Variants in ZNF423 observed in about 807,000 individuals in gnomAD.
The protein encoded by ZNF423 is zinc finger protein 423.
In ZNF423, 12 loss-of-function variants were observed where a neutral mutation model predicts 95.8. The observed-to-expected ratio is 0.13, with a 90% confidence interval of 0.08 to 0.20. The LOEUF is 0.20. ZNF423 is among the 10% of genes least tolerant of loss of function. ZNF423 has a pLI of 1.00. For synonymous variants in ZNF423, 749 were observed against 711.9 expected (o/e 1.05, Z -0.83); for missense variants, 1,316 against 1,737.1 (o/e 0.76, Z 4.31).
chr16:49,569,934 C>G (rs189944404), intron 5 of ZNF423, among the ~76,000 whole-genome samples: 1 of 152,146 alleles, frequency 6.6e-6, no homozygotes, highest in Non-Finnish European at 1.5e-5. Flanking sequence ...GTGGCAGGGG[C>G]GTAAGCAACT....
chr16:49,735,353 C>T (rs1334038864), intron 2 of ZNF423, among the ~76,000 whole-genome samples: 2 of 152,202 alleles, frequency 1.3e-5, no homozygotes, highest in African/African-American at 4.8e-5. Flanking sequence ...GCTCTCTTCC[C>T]TTTGCAGTCA....
At chr16:49,634,586 C>T (rs989087297) in intron 4 of ZNF423, among the ~76,000 whole-genome samples, 46 of 152,196 alleles carry the variant, frequency 3.0e-4, no homozygotes, top group Non-Finnish European at 2.9e-5. Context: ...AGCAAACACC[C>T]CTGTGTCCCA....
chr16:49,730,950 T>G lies in ZNF423; in HGVS notation c.122A>C (p.Glu41Ala). 1 of 1,614,238 alleles carries G rather than the reference T, an allele frequency of 6.2e-7. No homozygotes were observed. The highest frequency in any genetic ancestry group is 8.5e-7 in the Non-Finnish European group (1 of 1,180,048). Reference protein sequence around the residue: ...TAAGGLEGEPECDQKTSRALE... With the variant: ...TAAGGLEGEPACDQKTSRALE... ...CGCACGGCTGGTTTTCTGATCGCACTCTGGCTCTCCTTCTAGGCCTCCTGC... is the reference window on the plus strand; with the variant it reads ...CGCACGGCTGGTTTTCTGATCGCACGCTGGCTCTCCTTCTAGGCCTCCTGC... The change falls in exon 3 of 8, where the codon GAG becomes GCG. Residue 41 changes from glutamate (E) to alanine (A), a missense_variant. Glu to Ala is a moderately radical substitution (Grantham distance 107). Coordinates refer to ENST00000563137, the MANE Select transcript of ZNF423 (RefSeq NM_001379286.1).
chr16:49,743,446 C>G (rs950122386), intron 2 of ZNF423, among the ~76,000 whole-genome samples: 2 of 152,322 alleles, frequency 1.3e-5, no homozygotes, highest in South Asian at 2.1e-4. Flanking sequence ...CTGCTTCCCC[C>G]TTCTCCACCT....
At chr16:49,774,724 C>T (rs1211146973) in intron 2 of ZNF423, among the ~76,000 whole-genome samples, 1 of 152,242 alleles carries the variant, frequency 6.6e-6, no homozygotes, top group African/African-American at 2.4e-5. Context: ...AGCCAAATGA[C>T]AGTCTGGGCA....
chr16:49,700,913 G>T (rs1740125518), intron 3 of ZNF423, among the ~76,000 whole-genome samples: 1 of 152,082 alleles, frequency 6.6e-6, no homozygotes, highest in African/African-American at 2.4e-5. Flanking sequence ...GAAAGGAGGA[G>T]GGAGGAGGGA....
chr16:49,710,068 T>A (rs1034486241), intron 3 of ZNF423, among the ~76,000 whole-genome samples: 3 of 152,204 alleles, frequency 2.0e-5, no homozygotes, highest in African/African-American at 7.2e-5. Context: ...ACATGCCACA[T>A]GTAGAACAGT....
chr16:49,520,556 A>C (rs936435729), intron 7 of ZNF423, among the ~76,000 whole-genome samples: 2 of 152,296 alleles, frequency 1.3e-5, no homozygotes, highest in Admixed American at 1.3e-4. Context: ...GAATCTTCTC[A>C]AGACCTCTCA....
At chr16:49,532,732 C>T (rs1230761540) in intron 5 of ZNF423, among the ~76,000 whole-genome samples, 3 of 152,190 alleles carry the variant, frequency 2.0e-5, no homozygotes, top group African/African-American at 4.8e-5. Context: ...TTGTAACTGA[C>T]CCTTATCTTT....
chr16:49,859,204 C>G (rs928718054), upstream of ZNF423, among the ~76,000 whole-genome samples: 9 of 152,114 alleles, frequency 5.9e-5, no homozygotes, highest in Admixed American at 1.3e-4. Context: ...CTGCTGAAGA[C>G]TGAGGACGGA....
chr16:49,691,892 G>A (rs373095031), intron 3 of ZNF423, among the ~76,000 whole-genome samples: 2 of 152,030 alleles, frequency 1.3e-5, no homozygotes, highest in Non-Finnish European at 2.9e-5. Context: ...GGGACAGGGC[G>A]GCTGTGGCCC....
chr16:49,669,669 G>T (rs1040251127), intron 3 of ZNF423, among the ~76,000 whole-genome samples: 1 of 152,228 alleles, frequency 6.6e-6, no homozygotes, highest in African/African-American at 2.4e-5. Flanking sequence ...TCAGGATTCA[G>T]AAGAGAACCA....
intron 5 of ZNF423, among the ~76,000 whole-genome samples, chr16:49,596,804 A>T (rs1238324915): frequency 6.6e-6 from 1 of 152,018 alleles, no homozygotes; most frequent in East Asian, 1.9e-4. Flanking sequence ...GAGGAGGGGG[A>T]TGTCAGGCAC....
At chr16:49,838,646 C>T (rs528255805) in intron 1 of ZNF423, among the ~76,000 whole-genome samples, 46 of 152,212 alleles carry the variant, frequency 3.0e-4, no homozygotes, top group African/African-American at 1.0e-3. Flanking sequence ...TCGACGCCGC[C>T]GTCCCCAGCG....
chr16:49,856,366 T>G (rs1597068299), upstream of ZNF423, among the ~76,000 whole-genome samples: 1 of 140,296 alleles, frequency 7.1e-6, no homozygotes. Flanking sequence ...GAGTCGAGGG[T>G]ATCTCAAGGG....
chr16:49,557,510 G>C (rs992577875), intron 5 of ZNF423, among the ~76,000 whole-genome samples: 1 of 152,166 alleles, frequency 6.6e-6, no homozygotes, highest in Non-Finnish European at 1.5e-5. Context: ...CTGACCCTCT[G>C]ACCCCAGGGG....
At chr16:49,640,161 A>G (rs1206569129) in intron 3 of ZNF423, among the ~76,000 whole-genome samples, 3 of 152,162 alleles carry the variant, frequency 2.0e-5, no homozygotes, top group Non-Finnish European at 4.4e-5. Context: ...TCTTCAGAAG[A>G]GCCTCACAGA....
chr16:49,709,183 T>TATATATATATATATATATAA (rs58833331), intron 3 of ZNF423, among the ~76,000 whole-genome samples: 1,664 of 145,238 alleles, frequency 0.011, 58 homozygotes, highest in African/African-American at 0.04. Flanking sequence ...TATATATATA[T>TATATATATATATATATATAA]GAAAACGGAG....
chr16:49,783,799 G>A (rs564073043), intron 2 of ZNF423, among the ~76,000 whole-genome samples: 18 of 151,832 alleles, frequency 1.2e-4, no homozygotes, highest in Non-Finnish European at 1.8e-4. Flanking sequence ...GTGAAACCCC[G>A]TCTCTACTAA....
Sources: allele counts gnomAD v4.1 joint callset (sites outside exome capture counted in the v4.1 genomes callset), GRCh38; gene constraint gnomAD v4.1.1; transcripts MANE v1.5; gene names NCBI Gene and HGNC (gene_info 2026-07-23, HGNC 2026-07-21).